RASGRP1: variants seen among roughly 807,000 people sequenced by gnomAD.
The protein encoded by RASGRP1 is RAS guanyl-releasing protein 1.
In RASGRP1, 37 loss-of-function variants were observed where a neutral mutation model predicts 95.1. The ratio of observed to expected loss-of-function variants is 0.39; its 90% CI spans 0.30 to 0.51. RASGRP1 has a LOEUF of 0.51. RASGRP1 is among the 20% of genes least tolerant of loss of function. The probability of loss-of-function intolerance (pLI) is 0.80; values close to 1 mark genes in which losing one functional copy is unlikely to be tolerated. For synonymous variants in RASGRP1, 325 were observed against 353.4 expected, an observed-to-expected ratio of 0.92 and a Z score of 0.90; for missense variants, 711 against 965.4, an observed-to-expected ratio of 0.74 and a Z score of 3.49.
At chr15:38,515,720 A>C (rs1426111974) in intron 6 of RASGRP1, among the ~76,000 whole-genome samples, 1 of 151,876 alleles carries the variant, frequency 6.6e-6, no homozygotes, top group Non-Finnish European at 1.5e-5. Flanking sequence ...GAGCCATTCA[A>C]AGCTTACCCC....
intron 2 of RASGRP1, among the ~76,000 whole-genome samples, chr15:38,550,370 A>AGTGT (rs1893291959): frequency 6.6e-6 from 1 of 152,158 alleles, no homozygotes; most frequent in Non-Finnish European, 1.5e-5. Context: ...ACAAAATAAA[A>AGTGT]AAAAGTTCAC....
intron 8 of RASGRP1, among the ~76,000 whole-genome samples, chr15:38,508,347 T>C (rs1363889297): frequency 6.6e-6 from 1 of 152,178 alleles, no homozygotes; most frequent in African/African-American, 2.4e-5. Context: ...TAGTGAACAC[T>C]ATCCCTCTAA....
At chr15:38,556,714 T>C (rs1893569423) in intron 2 of RASGRP1, among the ~76,000 whole-genome samples, 1 of 152,216 alleles carries the variant, frequency 6.6e-6, no homozygotes, top group Non-Finnish European at 1.5e-5. Context: ...TACATTTAAC[T>C]TTAATTGAAA....
chr15:38,501,423 A>T lies in RASGRP1; in HGVS notation c.1539-136T>A, dbSNP rs768502021. On this transcript the variant is annotated intron_variant, in intron 12 of 16. Coordinates refer to ENST00000310803, the MANE Select transcript of RASGRP1 (RefSeq NM_005739.4). The stretch of plus-strand genomic sequence containing the variant: ...ATATGGTATGTGCTACCTCATGATT[A>T]CTTCCATGGGCCCTACTCTTAACAA... 23 of 994,512 alleles carry T rather than the reference A, an allele frequency of 2.3e-5. No homozygotes were observed. In the African/African-American group the frequency reaches 3.3e-4, roughly 14 times the overall value. The allele number at this position is 994,512 out of a possible 1,614,324, so 61.6% of individuals were successfully genotyped here.
intron 6 of RASGRP1, 91 bp from the exon 7 acceptor site, chr15:38,513,047 C>T (rs1891603939): frequency 3.1e-6 from 4 of 1,273,308 alleles, no homozygotes; most frequent in Non-Finnish European, 4.1e-6. Flanking sequence ...CCAGTCTGCT[C>T]AGTTGATGGC....
intron 2 of RASGRP1, among the ~76,000 whole-genome samples, chr15:38,557,208 T>C (rs1893595926): frequency 6.6e-6 from 1 of 152,162 alleles, no homozygotes; most frequent in South Asian, 2.1e-4. Flanking sequence ...CCTCATAAAG[T>C]CTGCTGCTGA....
intron 2 of RASGRP1, among the ~76,000 whole-genome samples, chr15:38,539,820 T>C (rs1892797264): frequency 6.6e-6 from 1 of 151,834 alleles, no homozygotes; most frequent in Non-Finnish European, 1.5e-5. Flanking sequence ...GAATATGCGG[T>C]GTTTGGTTTT....
intron 2 of RASGRP1, among the ~76,000 whole-genome samples, chr15:38,546,799 ACT>A (rs1207274402): frequency 2.6e-5 from 4 of 152,138 alleles, no homozygotes; most frequent in African/African-American, 9.7e-5. Context: ...GACACTACTG[ACT>A]CATGTTGAAT....
chr15:38,528,809 G>A (rs148963670), intron 2 of RASGRP1, among the ~76,000 whole-genome samples: 1 of 152,066 alleles, frequency 6.6e-6, no homozygotes, highest in Non-Finnish European at 1.5e-5. Flanking sequence ...TGCCCAACTG[G>A]TATCTTCAGC....
At chr15:38,503,649 T>A in intron 10 of RASGRP1, 1 of 457,354 alleles carries the variant, frequency 2.2e-6, no homozygotes, top group Non-Finnish European at 3.9e-6. Flanking sequence ...TGCAATTCCC[T>A]CTCCATTAAA....
At chr15:38,497,412 C>T (rs1245412174) in intron 15 of RASGRP1, among the ~76,000 whole-genome samples, 3 of 151,760 alleles carry the variant, frequency 2.0e-5, no homozygotes, top group African/African-American at 4.8e-5. Flanking sequence ...TCCCACTATC[C>T]CAATAGTACT....
At chr15:38,509,981 T>G (rs190321206) in intron 8 of RASGRP1, among the ~76,000 whole-genome samples, 58 of 152,240 alleles carry the variant, frequency 3.8e-4, no homozygotes, top group Admixed American at 2.2e-3. Flanking sequence ...CAAGAGAGCT[T>G]CTTCTTCATA....
At chr15:38,555,183 G>A (rs914367780) in intron 2 of RASGRP1, among the ~76,000 whole-genome samples, 5 of 152,218 alleles carry the variant, frequency 3.3e-5, no homozygotes, top group Admixed American at 2.6e-4. Flanking sequence ...TCAATAAGCT[G>A]AGGCCTATAA....
intron 15 of RASGRP1, among the ~76,000 whole-genome samples, chr15:38,496,790 A>T (rs1033417570): frequency 6.6e-6 from 1 of 152,182 alleles, no homozygotes; most frequent in African/African-American, 2.4e-5. Context: ...GATGTGATAA[A>T]AAGGAATGTG....
chr15:38,533,872 T>G (rs1892537278), intron 2 of RASGRP1, among the ~76,000 whole-genome samples: 1 of 152,228 alleles, frequency 6.6e-6, no homozygotes, highest in Non-Finnish European at 1.5e-5. Flanking sequence ...CGTATTTGCA[T>G]GGTGTAAATA....
intron 11 of RASGRP1, 141 bp downstream of exon 11, chr15:38,503,131 A>G: frequency 1.5e-6 from 1 of 681,516 alleles, no homozygotes; most frequent in Non-Finnish European, 2.5e-6. Context: ...GAATTGTTCT[A>G]AAGCCACAGT....
intron 10 of RASGRP1, 155 bp from the exon 11 acceptor site, chr15:38,503,531 C>G (rs1891124951): frequency 1.5e-6 from 1 of 666,470 alleles, no homozygotes; most frequent in African/African-American, 1.8e-5. Flanking sequence ...ATTGAAATCT[C>G]TACTAATAAT....
intron 16 of RASGRP1, among the ~76,000 whole-genome samples, chr15:38,492,813 T>C (rs1450663443): frequency 1.3e-5 from 2 of 152,026 alleles, no homozygotes; most frequent in African/African-American, 4.8e-5. Flanking sequence ...ACCTTCAGAA[T>C]TGAGTATCTT....
chr15:38,510,276 A>G (rs776154498), intron 8 of RASGRP1, among the ~76,000 whole-genome samples: 12 of 152,142 alleles, frequency 7.9e-5, no homozygotes, highest in Non-Finnish European at 1.3e-4. Flanking sequence ...CTCTGTGACT[A>G]TTTCTCTCTG....
Sources: allele counts gnomAD v4.1 joint callset (sites outside exome capture counted in the v4.1 genomes callset), GRCh38; gene constraint gnomAD v4.1.1; transcripts MANE v1.5; gene names NCBI Gene and HGNC (gene_info 2026-07-23, HGNC 2026-07-21).